Variants in GLI3 observed in about 807,000 individuals in gnomAD.
GLI3 encodes the protein transcription activator GLI3.
A neutral mutation model predicts 100.8 loss-of-function variants in GLI3; 20 were observed. The observed-to-expected ratio is 0.20, with a 90% CI of 0.14 to 0.29. GLI3 has a LOEUF of 0.29. GLI3 is among the 10% of genes least tolerant of loss of function. GLI3 has a pLI of 1.00. For synonymous variants in GLI3, 938 were observed against 860.5 expected, an observed-to-expected ratio of 1.09 and a Z score of -1.58; for missense variants, 2,040 against 2,128.5, an observed-to-expected ratio of 0.96 and a Z score of 0.82.
At chr7:42,149,321 T>C (rs1196971800) in intron 2 of GLI3, among the ~76,000 whole-genome samples, 2 of 152,244 alleles carry the variant, frequency 1.3e-5, no homozygotes, top group Non-Finnish European at 2.9e-5. Flanking sequence ...AGAAATTCCA[T>C]ATACAGCGGG....
At chr7:42,134,948 G>A (rs1786390261) in intron 3 of GLI3, among the ~76,000 whole-genome samples, 1 of 152,054 alleles carries the variant, frequency 6.6e-6, no homozygotes, top group South Asian at 2.1e-4. Flanking sequence ...CCATAAATTT[G>A]ATATTTGGAA....
chr7:42,040,369 T>C lies in GLI3; in HGVS notation c.827-130A>G, dbSNP rs1317383419. The C allele has an allele frequency of 9.7e-6, 7 of 724,076 alleles. No individual in the cohort carries two copies. In the African/African-American group the frequency reaches 1.2e-4, roughly 13 times the overall value. 44.9% of individuals were successfully genotyped at this position (724,076 alleles called of 1,614,324 possible). A position where few individuals can be genotyped will look rare whatever the true frequency, so the allele number is the denominator to read the frequency against. ...AACTTGCGGTGACAAGCACCTCTCCTCCCCCATGTGATCTACTAGCTACAG... is the reference window on the plus strand; with the variant it reads ...AACTTGCGGTGACAAGCACCTCTCCCCCCCCATGTGATCTACTAGCTACAG... On this transcript the variant is annotated intron_variant, in intron 6 of 14. Coordinates refer to ENST00000395925, the MANE Select transcript of GLI3 (RefSeq NM_000168.6).
At chr7:42,211,658 A>G (rs1294221775) in intron 2 of GLI3, among the ~76,000 whole-genome samples, 1 of 152,130 alleles carries the variant, frequency 6.6e-6, no homozygotes, top group Non-Finnish European at 1.5e-5. Flanking sequence ...TTTTCTTATC[A>G]TTGCCACTAA....
At chr7:42,097,098 GAGAC>G (rs748228131) in intron 3 of GLI3, among the ~76,000 whole-genome samples, 62 of 152,322 alleles carry the variant, frequency 4.1e-4, no homozygotes, top group Non-Finnish European at 7.1e-4. Context: ...AGAGGGAAAG[GAGAC>G]AGACAGAGAT....
chr7:41,968,473 T>G (rs1161894207), intron 13 of GLI3, among the ~76,000 whole-genome samples: 1 of 152,028 alleles, frequency 6.6e-6, no homozygotes, highest in Admixed American at 6.6e-5. Context: ...AACATAAATG[T>G]AAGATATGCG....
At chr7:42,101,236 C>T (rs1785454173) in intron 3 of GLI3, among the ~76,000 whole-genome samples, 1 of 152,148 alleles carries the variant, frequency 6.6e-6, no homozygotes, top group South Asian at 2.1e-4. Context: ...ATTCCTTCTT[C>T]CCACAGAACT....
intron 4 of GLI3, among the ~76,000 whole-genome samples, chr7:42,056,969 C>T (rs986875852): frequency 8.4e-5 from 11 of 130,424 alleles, no homozygotes; most frequent in Admixed American, 2.4e-4. Flanking sequence ...GCAATAAGAG[C>T]GAAACTCCGT....
chr7:42,013,376 T>C (rs1190336199), intron 10 of GLI3, among the ~76,000 whole-genome samples: 1 of 149,272 alleles, frequency 6.7e-6, no homozygotes, highest in African/African-American at 2.5e-5. Flanking sequence ...TATATATTCA[T>C]AACTAGAAAA....
chr7:41,980,531 A>G (rs4364531), intron 10 of GLI3, among the ~76,000 whole-genome samples: 55,007 of 151,962 alleles, frequency 0.36, 11,217 homozygotes, highest in East Asian at 0.81. Context: ...CTCTTGGTTC[A>G]GTTTTCCAAG....
chr7:42,200,303 G>A (rs1008013103), intron 2 of GLI3, among the ~76,000 whole-genome samples: 1 of 152,150 alleles, frequency 6.6e-6, no homozygotes, highest in Non-Finnish European at 1.5e-5. Context: ...TTTCCAAAGG[G>A]ACCATATGTC....
intron 2 of GLI3, among the ~76,000 whole-genome samples, chr7:42,166,509 C>T (rs1343022452): frequency 1.3e-5 from 2 of 151,850 alleles, no homozygotes; most frequent in African/African-American, 2.4e-5. Flanking sequence ...CCCTGTGGGC[C>T]TTGGCAATGG....
At chr7:42,185,290 T>A (rs1787696471) in intron 2 of GLI3, among the ~76,000 whole-genome samples, 1 of 152,186 alleles carries the variant, frequency 6.6e-6, no homozygotes, top group Non-Finnish European at 1.5e-5. Context: ...ATGTGTTTTC[T>A]CCCAACTCAT....
intron 1 of GLI3, among the ~76,000 whole-genome samples, chr7:42,261,652 G>T (rs1378855170): frequency 6.6e-6 from 1 of 152,142 alleles, no homozygotes; most frequent in Non-Finnish European, 1.5e-5. Flanking sequence ...AATATACTCA[G>T]TACATTAGTT....
chr7:41,989,987 CAAAA>C (rs60763223), intron 10 of GLI3, among the ~76,000 whole-genome samples: 1 of 62,858 alleles, frequency 1.6e-5, no homozygotes. Context: ...ACTCTGTCTC[CAAAA>C]AAAAAAAAAA....
chr7:42,248,592 G>C (rs1788998203), intron 1 of GLI3, among the ~76,000 whole-genome samples: 2 of 152,144 alleles, frequency 1.3e-5, no homozygotes, highest in Non-Finnish European at 2.9e-5. Flanking sequence ...CCCCTCTGCT[G>C]AGTTCTTCCT....
At position 41,961,549 on chromosome 7, in the gene GLI3, A is replaced by G. The variant is rs1787012077; in HGVS notation, c.*2781T>C. 6.6e-6 allele frequency: 1 copy of G among 152,504 alleles called. No homozygotes were observed. Among genetic ancestry groups the G allele is most frequent in the Non-Finnish European group, 1.5e-5 (1 of 68,004 alleles). The allele number at this position is 152,504 out of a possible 1,614,324, so 9.4% of individuals were successfully genotyped here. Reference sequence around the variant, plus strand: ...GGGAGGGGTTAACTTTTTCAGAAAAATAAAACAAAAATGGTTAGAAAACGT... The same window carrying G: ...GGGAGGGGTTAACTTTTTCAGAAAAGTAAAACAAAAATGGTTAGAAAACGT... On this transcript the variant is annotated 3_prime_UTR_variant, in exon 15 of 15. Transcript: ENST00000395925.
At chr7:42,164,134 G>A (rs1027482736) in intron 2 of GLI3, among the ~76,000 whole-genome samples, 2 of 152,058 alleles carry the variant, frequency 1.3e-5, no homozygotes, top group Non-Finnish European at 2.9e-5. Flanking sequence ...ATAATCACTA[G>A]GACACATCCT....
intron 3 of GLI3, among the ~76,000 whole-genome samples, chr7:42,133,365 T>G (rs1444550765): frequency 6.6e-6 from 1 of 152,198 alleles, no homozygotes; most frequent in Non-Finnish European, 1.5e-5. Flanking sequence ...CAAGCATTAG[T>G]GTTGCCGATG....
intron 2 of GLI3, among the ~76,000 whole-genome samples, chr7:42,155,818 T>G (rs1484833543): frequency 6.6e-6 from 1 of 152,056 alleles, no homozygotes; most frequent in Non-Finnish European, 1.5e-5. Flanking sequence ...GCAAGCTGCC[T>G]CCTGTATTTT....
Sources: gnomAD v4.1 joint callset for allele counts (sites outside exome capture counted in the v4.1 genomes callset) on GRCh38, gnomAD v4.1.1 for gene constraint, MANE v1.5 for transcripts, NCBI Gene and HGNC (gene_info 2026-07-23, HGNC 2026-07-21) for gene names.